The following FRY variants were observed in gnomAD, a reference collection of about 807,000 sequenced individuals.
FRY encodes the protein protein furry homolog.
FRY carries 128 observed loss-of-function variants against 348.4 expected under a neutral mutation model. The observed-to-expected ratio is 0.37, with a 90% CI of 0.32 to 0.43. FRY has a LOEUF of 0.43. Ranked by LOEUF, FRY falls within the 20% of genes least tolerant of loss-of-function variation. The probability of loss-of-function intolerance (pLI) is 1.00; values close to 1 mark genes in which losing one functional copy is unlikely to be tolerated. For missense variants in FRY, 2,736 were observed against 3,695.2 expected (o/e 0.74, Z 6.73); for synonymous variants, 1,370 against 1,374.7 (o/e 1.00, Z 0.08).
At chr13:32,218,539 T>G (rs926911017) in intron 35 of FRY, among the ~76,000 whole-genome samples, 3 of 151,922 alleles carry the variant, frequency 2.0e-5, no homozygotes, top group African/African-American at 7.3e-5. Flanking sequence ...ATTAGCTGGG[T>G]GTGGTGGTGC....
chr13:32,068,679 T>C (rs1344990404), intron 1 of FRY, among the ~76,000 whole-genome samples: 1 of 152,208 alleles, frequency 6.6e-6, no homozygotes, highest in Non-Finnish European at 1.5e-5. Flanking sequence ...TGCTTCACTC[T>C]CTCCAAGGTA....
chr13:32,052,598 G>T (rs529993483), intron 1 of FRY, among the ~76,000 whole-genome samples: 1 of 151,792 alleles, frequency 6.6e-6, no homozygotes, highest in East Asian at 1.9e-4. Context: ...CTTTTTTTGA[G>T]GAATTCAGAA....
intron 16 of FRY, among the ~76,000 whole-genome samples, chr13:32,158,111 T>C (rs189897726): frequency 6.6e-6 from 1 of 152,368 alleles, no homozygotes; most frequent in African/African-American, 2.4e-5. Flanking sequence ...TGAAGATTGT[T>C]ACCTATATAG....
At chr13:32,227,852 C>T (rs1471386378) in intron 39 of FRY, among the ~76,000 whole-genome samples, 3 of 151,560 alleles carry the variant, frequency 2.0e-5, no homozygotes, top group Admixed American at 6.6e-5. Flanking sequence ...ACCGGGTTCA[C>T]GCCATTCTCC....
chr13:32,193,659 C>T (rs1049131709), intron 28 of FRY, among the ~76,000 whole-genome samples: 8 of 147,376 alleles, frequency 5.4e-5, no homozygotes, highest in African/African-American at 2.0e-4. Flanking sequence ...GATCTCAGCT[C>T]ACTGCAACCT....
intron 20 of FRY, among the ~76,000 whole-genome samples, chr13:32,177,467 G>A (rs1444443112): frequency 6.6e-6 from 1 of 152,054 alleles, no homozygotes; most frequent in African/African-American, 2.4e-5. Context: ...GGTGGCGATT[G>A]CCTGTAATCC....
chr13:32,262,203 A>G, intron 52 of FRY, 111 bp from the exon 53 acceptor site: 1 of 827,496 alleles, frequency 1.2e-6, no homozygotes, highest in East Asian at 2.6e-5. Flanking sequence ...ATAATGGTGA[A>G]ATGTGGAAGT....
chr13:32,105,108 G>T (rs987504299), intron 3 of FRY, among the ~76,000 whole-genome samples: 1 of 152,228 alleles, frequency 6.6e-6, no homozygotes, highest in African/African-American at 2.4e-5. Flanking sequence ...TTTTGAAGGT[G>T]CTTACTGTGG....
Position 32,267,343 on chromosome 13 carries a change from T to G in FRY, c.8120T>G (p.Phe2707Cys). ...TGTGCTGTGTATACATTTCATGTGT[T>G]CTCCTCCTTGTTTAAGGTATGTGTG... ...GSCAVYTFHV[F>C]SSLFKNIQKR... The change falls in exon 55 of 61, where the codon TTC (phenylalanine) becomes TGC (cysteine). Residue 2707 changes from phenylalanine to cysteine, a missense_variant. Physicochemically the swap from Phe to Cys is radical, Grantham distance 205 (BLOSUM62 -2). Around this residue, in one of 9 missense-constraint regions of FRY, gnomAD observed 789 missense variants for 996.2 expected, o/e 0.79. Transcript: ENST00000542859. 6.2e-7 allele frequency: 1 copy of G among 1,614,028 alleles called. No homozygotes were observed. Among genetic ancestry groups the G allele is most frequent in the Non-Finnish European group, 8.5e-7 (1 of 1,179,936 alleles).
At chr13:32,174,640 C>A (rs1040196330) in intron 19 of FRY, among the ~76,000 whole-genome samples, 2 of 152,156 alleles carry the variant, frequency 1.3e-5, no homozygotes, top group African/African-American at 4.8e-5. Context: ...GATATATACA[C>A]ATGCCTCTAA....
intron 55 of FRY, 50 bp downstream of exon 55, chr13:32,267,409 G>C: frequency 6.6e-7 from 1 of 1,505,856 alleles, no homozygotes. Flanking sequence ...AAGGGGAGCC[G>C]GGTAACTTTG....
At chr13:32,151,734 T>C (rs1880805285) in intron 14 of FRY, among the ~76,000 whole-genome samples, 1 of 152,236 alleles carries the variant, frequency 6.6e-6, no homozygotes, top group Admixed American at 6.5e-5. Context: ...GAGAAGAGTT[T>C]CTTGGTCATC....
intron 35 of FRY, 39 bp from the exon 36 acceptor site, chr13:32,218,710 C>T (rs1192635438): frequency 8.9e-7 from 1 of 1,119,242 alleles, no homozygotes; most frequent in Admixed American, 1.7e-5. Flanking sequence ...CATATGCACA[C>T]ATGTTAATAT....
chr13:32,153,536 A>G (rs1189945597), intron 14 of FRY, among the ~76,000 whole-genome samples: 1 of 152,212 alleles, frequency 6.6e-6, no homozygotes, highest in Non-Finnish European at 1.5e-5. Flanking sequence ...AGGAGAGAAG[A>G]CTAACCGCAA....
At chr13:32,252,244 C>T (rs1887121282) in intron 50 of FRY, among the ~76,000 whole-genome samples, 1 of 151,900 alleles carries the variant, frequency 6.6e-6, no homozygotes, top group Non-Finnish European at 1.5e-5. Context: ...CCCAGAATGT[C>T]TTACAACGTA....
rs541280630 is a variant in FRY, at chr13:32,221,705, G to T, written c.4766-2530G>T. Among the ~76,000 whole-genome samples, 4 of 152,216 alleles carry T rather than the reference G, an allele frequency of 2.6e-5. No individual in the cohort carries two copies. In the East Asian group the frequency reaches 7.7e-4, roughly 29 times the overall value. On this transcript the variant is annotated intron_variant, in intron 36 of 60. Coordinates refer to ENST00000542859, the MANE Select transcript of FRY (RefSeq NM_023037.3). ...TTTTTGTATTTTTAGTAGAGACAGG[G>T]TTTCACCATGCTGGCCACACTGGTC...
At chr13:32,211,669 G>A (rs878979353) in intron 34 of FRY, among the ~76,000 whole-genome samples, 4 of 152,026 alleles carry the variant, frequency 2.6e-5, no homozygotes, top group African/African-American at 7.2e-5. Context: ...TTCCTTCAGC[G>A]TTGATTAAAA....
chr13:32,148,033 A>G (rs773662734), intron 13 of FRY, 86 bp downstream of exon 13: 5 of 807,690 alleles, frequency 6.2e-6, no homozygotes, highest in Non-Finnish European at 9.0e-6. Flanking sequence ...AAAGACGGAA[A>G]GTCTAAATTA....
At chr13:32,058,224 A>G (rs980607147) in intron 1 of FRY, among the ~76,000 whole-genome samples, 4 of 152,226 alleles carry the variant, frequency 2.6e-5, no homozygotes, top group Admixed American at 6.5e-5. Flanking sequence ...CCAACAACCT[A>G]TAAGTAAACT....
Sources: allele counts gnomAD v4.1 joint callset (sites outside exome capture counted in the v4.1 genomes callset), GRCh38; gene constraint gnomAD v4.1.1; regional missense constraint gnomAD v4.1.1; transcripts MANE v1.5; gene names NCBI Gene and HGNC (gene_info 2026-07-23, HGNC 2026-07-21).